GP9: variants seen among roughly 807,000 people sequenced by gnomAD.
GP9 encodes glycoprotein IX platelet, also known as platelet glycoprotein IX.
For synonymous variants in GP9, 116 were observed against 116.7 expected, an observed-to-expected ratio of 0.99 and a Z score of 0.04; for missense variants, 228 against 241.8, an observed-to-expected ratio of 0.94 and a Z score of 0.38.
Position 129,061,832 on chromosome 3 carries a change from C to T in GP9, c.93C>T (p.Thr31=), listed in dbSNP as rs1316846925. The part of the protein sequence containing the change: ...PSPCTCRALE[T]MGLWVDCRGH... The stretch of plus-strand genomic sequence containing the variant: ...CATGTACCTGCCGCGCCCTGGAAAC[C>T]ATGGGGCTGTGGGTGGACTGCAGGG... Residue 31 remains threonine, a synonymous_variant, in exon 3 of 3, where the codon ACC becomes ACT. Coordinates refer to ENST00000307395, the MANE Select transcript of GP9 (RefSeq NM_000174.5). 51 of 1,612,764 alleles carry T rather than the reference C, an allele frequency of 3.2e-5. No individual in the cohort carries two copies. The highest frequency in any genetic ancestry group is 3.9e-5 in the Non-Finnish European group (46 of 1,179,598).
rs1479608437 is a variant in GP9, at chr3:129,060,862, T to G, written c.-139+12T>G. On this transcript the variant is annotated intron_variant, in intron 1 of 2. Transcript: ENST00000307395. ...CAAAGGCTTCACAGGTAAGTGGCCCTCCGTATTACCCAGCATGGCCTCCCA... is the reference window on the plus strand; with the variant it reads ...CAAAGGCTTCACAGGTAAGTGGCCCGCCGTATTACCCAGCATGGCCTCCCA... 2 of 152,498 alleles carry G rather than the reference T, an allele frequency of 1.3e-5. No individual in the cohort carries two copies. Among genetic ancestry groups the G allele is most frequent in the Non-Finnish European group, 2.9e-5 (2 of 68,236 alleles). 9.4% of individuals were successfully genotyped at this position (152,498 alleles called of 1,614,324 possible).
At position 129,062,113 on chromosome 3, in the gene GP9, G is replaced by A. The variant is rs61734182; in HGVS notation, c.374G>A (p.Gly125Asp). 8.8e-6 allele frequency: 14 copies of A among 1,598,600 alleles called. No individual in the cohort carries two copies. In the African/African-American group the frequency reaches 1.9e-4, roughly 21 times the overall value. ...SPSLAAHGPL[G>D]RLTGYQLGSC... ...AGCCTCGCTGCCCATGGCCCGCTGG[G>A]CCGGCTGACAGGCTACCAGCTGGGC... Residue 125 changes from glycine (G) to aspartate (D), a missense_variant, in exon 3 of 3, where the codon GGC becomes GAC. Coordinates refer to ENST00000307395, the MANE Select transcript of GP9 (RefSeq NM_000174.5).
chr3:129,061,365 A>T, intron 1 of GP9, 129 bp from the exon 2 acceptor site: 2 of 363,032 alleles, frequency 5.5e-6, no homozygotes, highest in Non-Finnish European at 1.1e-5. Context: ...GTCTCTGGGG[A>T]CTGTGGTCCT....
At position 129,062,253 on chromosome 3, in the gene GP9, A is replaced by C. The variant is rs1413531552; in HGVS notation, c.514A>C (p.Thr172Pro). 1.3e-6 allele frequency: 2 copies of C among 1,553,806 alleles called. No individual in the cohort carries two copies. The highest frequency in any genetic ancestry group is 4.8e-5 in the East Asian group (2 of 41,756). Reference protein sequence around the residue: ...LALLAGLLCATTEALD With the variant: ...LALLAGLLCAPTEALD ...TCTTCTGGCTGGCCTGCTGTGTGCC[A>C]CCACAGAGGCCCTGGATTGAGCCAG... Residue 172 changes from threonine (T) to proline (P), a missense_variant, in exon 3 of 3, where the codon ACC becomes CCC. Thr to Pro is a conservative substitution (Grantham distance 38). Transcript: ENST00000307395.
At chr3:129,060,715 A>G (rs911054809), upstream of GP9, 18 of 152,448 alleles carry the variant, frequency 1.2e-4, no homozygotes, top group Admixed American at 9.8e-4. Context: ...CTGGGGGGAT[A>G]AGCCAGGCTA....
chr3:129,062,051 G>A lies in GP9; in HGVS notation c.312G>A (p.Thr104=), dbSNP rs749784464. 9 of 1,612,712 alleles carry A rather than the reference G, an allele frequency of 5.6e-6. No individual in the cohort carries two copies. The highest frequency in any genetic ancestry group is 2.7e-5 in the African/African-American group (2 of 74,934). Residue 104 remains threonine (T), a synonymous_variant, in exon 3 of 3, where the codon ACG becomes ACA. Transcript: ENST00000307395. ...TYLRLWLEDR[T]PEALLQVRCA... ...TGCGCCTCTGGCTGGAGGACCGCAC[G>A]CCCGAGGCCCTGCTGCAGGTCCGCT...
the GP9 span, among the ~76,000 whole-genome samples, chr3:129,055,648 C>CTTTT: frequency 7.1e-6 from 1 of 141,022 alleles, no homozygotes. Flanking sequence ...TTCTTTCTTT[C>CTTTT]TTTTTTTTTT....
Position 129,061,897 on chromosome 3 carries a change from C to T in GP9, c.158C>T (p.Thr53Ile). The T allele has an allele frequency of 6.2e-7, 1 of 1,613,638 alleles. No homozygotes were observed. Among genetic ancestry groups the T allele is most frequent in the Non-Finnish European group, 8.5e-7 (1 of 1,179,870 alleles). Residue 53 changes from threonine to isoleucine, a missense_variant, in exon 3 of 3, where the codon ACC becomes ATC. By Grantham distance (89) the Thr-to-Ile change is moderately conservative. Transcript: ENST00000307395. ...LTALPALPAR[T>I]RHLLLANNSL... ...GCCCTGCCTGCCCTGCCGGCCCGCA[C>T]CCGCCACCTTCTGCTGGCCAACAAC...
Position 129,062,159 on chromosome 3 carries a change from G to A in GP9, c.420G>A (p.Gln140=), listed in dbSNP as rs1946585975. 6.3e-7 allele frequency: 1 copy of A among 1,581,688 alleles called. No homozygotes were observed. The change falls in exon 3 of 3, where the codon CAG becomes CAA. Residue 140 remains glutamine, a synonymous_variant. Coordinates refer to ENST00000307395, the MANE Select transcript of GP9 (RefSeq NM_000174.5). ...TGGGCAGCTGTGGCTGGCAGCTGCA[G>A]GCGTCCTGGGTGCGCCCGGGGGTCT... The part of the protein sequence containing the change: ...YQLGSCGWQL[Q]ASWVRPGVLW...
At chr3:129,059,236 A>G (rs1427520685), upstream of GP9, among the ~76,000 whole-genome samples, 12 of 152,166 alleles carry the variant, frequency 7.9e-5, no homozygotes, top group Admixed American at 7.9e-4. Flanking sequence ...ATGTTGATCT[A>G]GTTTTTTGTT....
chr3:129,061,131 G>A (rs922761245), intron 1 of GP9, among the ~76,000 whole-genome samples: 7 of 152,170 alleles, frequency 4.6e-5, no homozygotes, highest in South Asian at 2.1e-4. Context: ...ACACCACACC[G>A]GTGGCCCTGG....
upstream of GP9, among the ~76,000 whole-genome samples, chr3:129,060,498 C>T (rs955165834): frequency 4.6e-5 from 7 of 152,374 alleles, 1 homozygote; most frequent in East Asian, 1.9e-4. Context: ...AGCAGAGCCA[C>T]GTTTCTCAGG....
chr3:129,058,027 T>TTC (rs2107953602), upstream of GP9, among the ~76,000 whole-genome samples: 1 of 152,094 alleles, frequency 6.6e-6, no homozygotes, highest in South Asian at 2.1e-4. Flanking sequence ...GAGATGGTGT[T>TTC]TCTCCATGTT....
upstream of GP9, among the ~76,000 whole-genome samples, chr3:129,058,846 TGA>T (rs1228600507): frequency 6.6e-6 from 1 of 152,256 alleles, no homozygotes; most frequent in Non-Finnish European, 1.5e-5. Context: ...ACTGGCTCTT[TGA>T]CTTCTTTCCT....
chr3:129,054,884 G>A, the GP9 span, among the ~76,000 whole-genome samples: 4,056 of 152,310 alleles, frequency 0.027, 172 homozygotes, highest in African/African-American at 0.092. Flanking sequence ...TTTCAGTATT[G>A]CTTATCTCAA....
In GP9 at chr3:129,062,099, C is replaced by T; in HGVS notation, c.360C>T (p.Ala120=). Residue 120 remains alanine, a synonymous_variant, in exon 3 of 3, where the codon GCC becomes GCT. Transcript: ENST00000307395. The part of the protein sequence containing the change: ...QVRCASPSLA[A]HGPLGRLTGY... ...GCTGTGCCAGCCCCAGCCTCGCTGC[C>T]CATGGCCCGCTGGGCCGGCTGACAG... 1.9e-6 allele frequency: 3 copies of T among 1,605,014 alleles called. No individual in the cohort carries two copies. The highest frequency in any genetic ancestry group is 2.5e-6 in the Non-Finnish European group (3 of 1,176,676).
At chr3:129,059,400 T>TG (rs1030550258), upstream of GP9, among the ~76,000 whole-genome samples, 82 of 152,068 alleles carry the variant, frequency 5.4e-4, no homozygotes, top group African/African-American at 1.9e-3. Flanking sequence ...GGCTCACTGG[T>TG]GAATGTGTGC....
upstream of GP9, among the ~76,000 whole-genome samples, chr3:129,058,823 G>A (rs192327251): frequency 2.0e-5 from 3 of 152,348 alleles, no homozygotes; most frequent in East Asian, 1.9e-4. Flanking sequence ...TCAATAAAGC[G>A]GCTTTCTTCA....
At chr3:129,056,438 A>C (rs934432549), upstream of GP9, among the ~76,000 whole-genome samples, 2 of 152,230 alleles carry the variant, frequency 1.3e-5, no homozygotes, top group African/African-American at 2.4e-5. Context: ...CAGCCTCCAA[A>C]GTAAGTTTAC....
Sources: gnomAD v4.1 joint callset for allele counts (sites outside exome capture counted in the v4.1 genomes callset) on GRCh38, gnomAD v4.1.1 for gene constraint, MANE v1.5 for transcripts, NCBI Gene and HGNC (gene_info 2026-07-23, HGNC 2026-07-21) for gene names.